The following SLIT3 variants were observed in gnomAD, a reference collection of about 807,000 sequenced individuals.
SLIT3 encodes the protein slit homolog 3 protein.
A neutral mutation model predicts 184.0 loss-of-function variants in SLIT3; 68 were observed. The ratio of observed to expected loss-of-function variants is 0.37; its 90% CI spans 0.30 to 0.45. The LOEUF (loss-of-function observed/expected upper bound fraction) is 0.45. SLIT3 is among the 20% of genes least tolerant of loss of function. The pLI, the probability that SLIT3 is intolerant of heterozygous loss-of-function variation, is 1.00. For synonymous variants in SLIT3, 831 were observed against 828.6 expected, an observed-to-expected ratio of 1.00 and a Z score of -0.05; for missense variants, 1,707 against 2,026.0, an observed-to-expected ratio of 0.84 and a Z score of 3.02.
intron 3 of SLIT3, among the ~76,000 whole-genome samples, chr5:169,219,067 A>C (rs1375547205): frequency 6.6e-6 from 1 of 152,158 alleles, no homozygotes; most frequent in Non-Finnish European, 1.5e-5. Flanking sequence ...TGGACCCTGA[A>C]TCTCTCTCCT....
chr5:169,133,209 C>T (rs1269425010), intron 4 of SLIT3, among the ~76,000 whole-genome samples: 1 of 152,200 alleles, frequency 6.6e-6, no homozygotes, highest in East Asian at 1.9e-4. Flanking sequence ...TTCCCTTTCC[C>T]CACCTGCATC....
rs142397034 is a variant in SLIT3 at position 168,672,252 on chromosome 5, G to A, written c.3842-769C>T. ...GGTGTCCCTTCTGGGGCTGCCCTCG[G>A]CACAGAGCTTTCCCTGGCCTCCCTA... On this transcript the variant is annotated intron_variant, in intron 33 of 35. Transcript: ENST00000519560. Among the ~76,000 whole-genome samples the A allele has an allele frequency of 5.4e-3, 829 of 152,178 alleles. 9 individuals are homozygous for A. Among genetic ancestry groups the A allele is most frequent in the Non-Finnish European group, 6.1e-3 (414 of 68,012 alleles).
intron 14 of SLIT3, among the ~76,000 whole-genome samples, chr5:168,763,690 G>A (rs1020686966): frequency 6.6e-6 from 1 of 152,196 alleles, no homozygotes; most frequent in African/African-American, 2.4e-5. Flanking sequence ...AAACCTCTGT[G>A]AGACCTTGAA....
intron 4 of SLIT3, among the ~76,000 whole-genome samples, chr5:168,966,278 T>C (rs1763188684): frequency 6.6e-6 from 1 of 152,130 alleles, no homozygotes; most frequent in Non-Finnish European, 1.5e-5. Context: ...TCTTCTCAAA[T>C]GGGACCCAGA....
intron 4 of SLIT3, among the ~76,000 whole-genome samples, chr5:169,089,062 C>T (rs1449790372): frequency 2.2e-5 from 2 of 90,000 alleles, no homozygotes; most frequent in Admixed American, 1.3e-4. Context: ...AAAAGAAGTG[C>T]TGACTCTGAT....
chr5:168,921,015 G>A (rs1466812394), intron 4 of SLIT3, among the ~76,000 whole-genome samples: 1 of 152,136 alleles, frequency 6.6e-6, no homozygotes, highest in African/African-American at 2.4e-5. Context: ...TAGCTTCTTG[G>A]TAATCTGGCT....
intron 4 of SLIT3, among the ~76,000 whole-genome samples, chr5:169,084,337 T>C (rs1201362849): frequency 6.6e-6 from 1 of 151,562 alleles, no homozygotes; most frequent in African/African-American, 2.4e-5. Context: ...CAGTCTGGGA[T>C]GCAATGGCGC....
intron 4 of SLIT3, among the ~76,000 whole-genome samples, chr5:168,938,427 G>A (rs1239200407): frequency 6.6e-6 from 1 of 152,214 alleles, no homozygotes; most frequent in Non-Finnish European, 1.5e-5. Flanking sequence ...CTAGCATATT[G>A]CCTGGTACTG....
chr5:168,893,454 G>A (rs1023542540), intron 4 of SLIT3, among the ~76,000 whole-genome samples: 1 of 152,148 alleles, frequency 6.6e-6, no homozygotes, highest in Non-Finnish European at 1.5e-5. Context: ...AAATCCAGTA[G>A]CATGTCTAAT....
chr5:169,246,966 C>T (rs1292840313), intron 2 of SLIT3, among the ~76,000 whole-genome samples: 1 of 140,850 alleles, frequency 7.1e-6, no homozygotes, highest in Non-Finnish European at 1.5e-5. Flanking sequence ...CACAGTGGCT[C>T]ACGCCTGTAA....
At chr5:168,829,724 G>A (rs1207128263) in intron 6 of SLIT3, among the ~76,000 whole-genome samples, 5 of 152,252 alleles carry the variant, frequency 3.3e-5, no homozygotes, top group Non-Finnish European at 7.3e-5. Context: ...AACAGAGGTG[G>A]ATGCAGCCAA....
intron 4 of SLIT3, among the ~76,000 whole-genome samples, chr5:169,186,409 C>T (rs953421802): frequency 2.0e-5 from 3 of 152,122 alleles, no homozygotes; most frequent in Non-Finnish European, 4.4e-5. Flanking sequence ...TTCTATCCTC[C>T]AGAACTGTGA....
chr5:169,010,909 C>CAAA (rs532475548), intron 4 of SLIT3, among the ~76,000 whole-genome samples: 3 of 68,318 alleles, frequency 4.4e-5, no homozygotes, highest in Admixed American at 1.6e-4. Flanking sequence ...ACTCTGTTTC[C>CAAA]AAAAAAAAAA....
Position 168,954,738 on chromosome 5 carries a change from G to C in SLIT3, c.414-71402C>G, listed in dbSNP as rs541817360. On this transcript the variant is annotated intron_variant, in intron 4 of 35. Coordinates refer to ENST00000519560, the MANE Select transcript of SLIT3 (RefSeq NM_003062.4). ...TTGGGGCCAGGCAGGTAAGGCAGGA[G>C]GGGGAAGTGGCTGGCAGGAAAGCAA... 2.1e-3 allele frequency among the ~76,000 whole-genome samples: 321 copies of C among 152,310 alleles called. 3 individuals are homozygous for C. The highest frequency in any genetic ancestry group is 4.1e-3 in the Admixed American group (63 of 15,302).
Position 168,844,691 on chromosome 5 carries a change from G to A in SLIT3, c.486-36C>T, listed in dbSNP as rs775600438. On this transcript the variant is annotated intron_variant, in intron 5 of 35. Transcript: ENST00000519560. ...GCAGGGGAGAGCATGAAGGCTGAGC[G>A]GGGGCAGCGTGAGGGGCCGGCGGCC... 8.7e-6 allele frequency: 14 copies of A among 1,606,214 alleles called. No individual in the cohort carries two copies. In the Admixed American group the frequency reaches 1.2e-4, roughly 13 times the overall value.
intron 4 of SLIT3, among the ~76,000 whole-genome samples, chr5:169,011,596 G>A (rs1264708236): frequency 6.6e-6 from 1 of 152,188 alleles, no homozygotes; most frequent in Non-Finnish European, 1.5e-5. Flanking sequence ...GGAATGCACT[G>A]CCCAGCACAC....
At chr5:169,176,650 T>C (rs1456718351) in intron 4 of SLIT3, among the ~76,000 whole-genome samples, 3 of 152,234 alleles carry the variant, frequency 2.0e-5, no homozygotes, top group Non-Finnish European at 4.4e-5. Context: ...CATTTTTCTG[T>C]AAAGGGCCAG....
intron 4 of SLIT3, among the ~76,000 whole-genome samples, chr5:169,187,991 T>C (rs949123863): frequency 2.0e-5 from 3 of 152,200 alleles, no homozygotes; most frequent in Non-Finnish European, 2.9e-5. Flanking sequence ...GGGGTCTCAC[T>C]CTGTCGCCCA....
intron 4 of SLIT3, among the ~76,000 whole-genome samples, chr5:168,923,200 A>G (rs1240033497): frequency 1.3e-5 from 2 of 152,086 alleles, no homozygotes; most frequent in Non-Finnish European, 2.9e-5. Context: ...AGTTTAACAA[A>G]CCACAGGATG....
Sources: gnomAD v4.1 joint callset for allele counts (sites outside exome capture counted in the v4.1 genomes callset) on GRCh38, gnomAD v4.1.1 for gene constraint, MANE v1.5 for transcripts, NCBI Gene and HGNC (gene_info 2026-07-23, HGNC 2026-07-21) for gene names.